Variants in LGALS12 observed in about 807,000 individuals in gnomAD.
LGALS12 encodes the protein galectin-12.
A neutral mutation model predicts 36.8 loss-of-function variants in LGALS12; 36 were observed. That is an observed-to-expected ratio of 0.98 (90% CI 0.75 to 1.29). The LOEUF (loss-of-function observed/expected upper bound fraction) is 1.29, where lower values mean the gene tolerates loss of function less well. Among genes scored for constraint, LGALS12 ranks in the 50% most tolerant of loss-of-function variants. LGALS12 has a pLI of 0.00. For missense variants in LGALS12, 366 were observed against 394.3 expected (o/e 0.93, Z 0.61); for synonymous variants, 145 against 155.9 (o/e 0.93, Z 0.52).
intron 3 of LGALS12, 140 bp from the exon 4 acceptor site, chr11:63,509,638 A>G: frequency 1.2e-6 from 1 of 847,812 alleles, no homozygotes; most frequent in South Asian, 1.7e-5. Context: ...AAGGCTCTGT[A>G]AAATGTACCT....
chr11:63,509,137 C>T, intron 3 of LGALS12, 146 bp downstream of exon 3: 1 of 696,044 alleles, frequency 1.4e-6, no homozygotes, highest in Non-Finnish European at 2.4e-6. Context: ...ATGCCCGGTT[C>T]CAGGCTGCCC....
At position 63,508,308 on chromosome 11, in the gene LGALS12, G is replaced by A. The variant is rs993762652; in HGVS notation, c.70-245G>A. On this transcript the variant is annotated intron_variant, in intron 1 of 8. Transcript: ENST00000394618. The stretch of plus-strand genomic sequence containing the variant: ...TGGGGAAAGGCAACTGGCTGGTGCT[G>A]AATTTGGCAAGGGAGCGGAATTTGA... 4 of 1,367,844 alleles carry A rather than the reference G, an allele frequency of 2.9e-6. No homozygotes were observed. In the African/African-American group the frequency reaches 5.9e-5, roughly 20 times the overall value. The allele number at this position is 1,367,844 out of a possible 1,614,324, so 84.7% of individuals were successfully genotyped here.
At position 63,508,945 on chromosome 11, in the gene LGALS12, G is replaced by T. The variant is rs142620002; in HGVS notation, c.326G>T (p.Gly109Val). Reference sequence around the variant, plus strand: ...TGGCCCCACCTGGCCCTGCGAAGAGGCTCCAGCTTCCTCATCCTCTTTCTC... The same window carrying T: ...TGGCCCCACCTGGCCCTGCGAAGAGTCTCCAGCTTCCTCATCCTCTTTCTC... ...ARWPHLALRRGSSFLILFLFG... is the reference protein window; with the variant it reads ...ARWPHLALRRVSSFLILFLFG... The change falls in exon 3 of 9, where the codon GGC (glycine) becomes GTC (valine). Residue 109 changes from glycine to valine, a missense_variant. Gly to Val is a moderately radical substitution (Grantham distance 109, BLOSUM62 -3). Transcript: ENST00000394618. The T allele has an allele frequency of 6.1e-5, 99 of 1,614,206 alleles. No homozygotes were observed. The East Asian group carries it at 2.1e-3, about 35-fold the overall frequency.
At chr11:63,510,671 C>G (rs540698298) in intron 5 of LGALS12, among the ~76,000 whole-genome samples, 170 bp downstream of exon 5, 1 of 152,214 alleles carries the variant, frequency 6.6e-6, no homozygotes, top group Admixed American at 6.5e-5. Context: ...CCTCTCCCAG[C>G]CCCTCTCCAG....
At chr11:63,511,169 G>A in intron 6 of LGALS12, 64 bp downstream of exon 6, 1 of 1,462,854 alleles carries the variant, frequency 6.8e-7, no homozygotes, top group Non-Finnish European at 9.5e-7. Context: ...CAGCTAATGA[G>A]CTCAGCCTGG....
chr11:63,511,155 TG>T, intron 6 of LGALS12, 50 bp downstream of exon 6: 1 of 1,557,728 alleles, frequency 6.4e-7, no homozygotes, highest in Non-Finnish European at 8.8e-7. Flanking sequence ...GCAGCCTGGG[TG>T]AGCAGCTAAT....
In LGALS12 at chr11:63,516,470, A is replaced by C. The variant is rs2017088400; in HGVS notation, c.*77A>C. The C allele has an allele frequency of 3.9e-6, 6 of 1,538,838 alleles. No individual in the cohort carries two copies. Among genetic ancestry groups the C allele is most frequent in the African/African-American group, 1.4e-5 (1 of 73,414 alleles). ...AGGGCCCCACTCTCCTCCCCTCATTAAACCATCCACCTGACACCAGCACAT... is the reference window on the plus strand; with the variant it reads ...AGGGCCCCACTCTCCTCCCCTCATTCAACCATCCACCTGACACCAGCACAT... On this transcript the variant is annotated 3_prime_UTR_variant, in exon 9 of 9. Transcript: ENST00000394618.
intron 1 of LGALS12, among the ~76,000 whole-genome samples, chr11:63,507,159 G>A (rs1168948964): frequency 6.6e-6 from 1 of 152,192 alleles, no homozygotes; most frequent in Admixed American, 6.5e-5. Context: ...AACCAGCTGA[G>A]CTTGCCAAGC....
chr11:63,507,725 CTTTTTTTTTTTT>C (rs199594642), intron 1 of LGALS12, among the ~76,000 whole-genome samples: 3,391 of 69,992 alleles, frequency 0.048, 206 homozygotes, highest in Admixed American at 0.21. Flanking sequence ...CAGGCAACTT[CTTTTTTTTTTTT>C]TTTTTTTTTT....
chr11:63,509,123 T>C (rs902165523), intron 3 of LGALS12, 132 bp downstream of exon 3: 2 of 755,808 alleles, frequency 2.6e-6, no homozygotes, highest in African/African-American at 3.5e-5. Context: ...ACCAAGGAGC[T>C]GCCATGCCCG....
chr11:63,508,112 G>C (rs1317336727), intron 1 of LGALS12: 1 of 1,029,432 alleles, frequency 9.7e-7, no homozygotes, highest in Non-Finnish European at 1.2e-6. Flanking sequence ...GTCCATTTCA[G>C]AGTTAGCTGT....
chr11:63,510,727 G>A, intron 5 of LGALS12, among the ~76,000 whole-genome samples: 1 of 152,140 alleles, frequency 6.6e-6, no homozygotes, highest in East Asian at 1.9e-4. Context: ...TGCAGAGGGG[G>A]CAAGACCCCG....
At chr11:63,508,493 C>A (rs1590643235) in intron 1 of LGALS12, 60 bp from the exon 2 acceptor site, 3 of 1,607,110 alleles carry the variant, frequency 1.9e-6, no homozygotes, top group African/African-American at 1.3e-5. Flanking sequence ...ACTCGCCTGA[C>A]ATAGAGGTCC....
rs765514775 is a variant in LGALS12, at chr11:63,511,748, T to C, written c.559-4T>C. 1 of 1,607,342 alleles carries C rather than the reference T, an allele frequency of 6.2e-7. No individual in the cohort carries two copies. Among genetic ancestry groups the C allele is most frequent in the Non-Finnish European group, 8.5e-7 (1 of 1,174,238 alleles). ...ACTTCTCAATACCTCCCTTGTTCCT[T>C]CAGGAGGTGCCCTGCTCACATGCTC... is the stretch of plus-strand genomic sequence containing the variant. On this transcript the variant is annotated splice_polypyrimidine_tract_variant and splice_region_variant and intron_variant, in intron 6 of 8. Transcript: ENST00000394618.
rs537777619 is a variant in LGALS12 at position 63,511,620 on chromosome 11, A to G, written c.559-132A>G. The G allele has an allele frequency of 3.5e-5, 23 of 648,366 alleles. No individual in the cohort carries two copies. In the South Asian group the frequency reaches 3.9e-4, roughly 11 times the overall value. The allele number at this position is 648,366 out of a possible 1,614,324, so 40.2% of individuals were successfully genotyped here. A position where few individuals can be genotyped will look rare whatever the true frequency, so the allele number is the denominator to read the frequency against. On this transcript the variant is annotated intron_variant, in intron 6 of 8. Transcript: ENST00000394618. ...GTACAGGAGGCCAGGTGCTTAACAA[A>G]TAAGCAGCGTGTCCTGGCGGCAGGC...
At chr11:63,511,722 A>C in intron 6 of LGALS12, 30 bp from the exon 7 acceptor site, 1 of 1,557,538 alleles carries the variant, frequency 6.4e-7, no homozygotes, top group Non-Finnish European at 8.9e-7. Flanking sequence ...CCTGGAAGTC[A>C]ACTTCTCAAT....
At chr11:63,509,925 G>C (rs1320505402) in intron 4 of LGALS12, 28 bp downstream of exon 4, 1 of 1,607,548 alleles carries the variant, frequency 6.2e-7, no homozygotes, top group Non-Finnish European at 8.5e-7. Flanking sequence ...CAAGGCCTGG[G>C]CAGTGGCAGC....
At chr11:63,510,608 G>A (rs992821270) in intron 5 of LGALS12, 107 bp downstream of exon 5, 70 of 1,046,874 alleles carry the variant, frequency 6.7e-5, no homozygotes, top group Admixed American at 1.3e-4. Context: ...TCACTGCTGC[G>A]GTTGCCACGG....
At chr11:63,508,495 TAG>T in intron 1 of LGALS12, 56 bp from the exon 2 acceptor site, 1 of 1,607,940 alleles carries the variant, frequency 6.2e-7, no homozygotes. Context: ...TCGCCTGACA[TAG>T]AGGTCCCTAA....
Sources: gnomAD v4.1 joint callset for allele counts (sites outside exome capture counted in the v4.1 genomes callset) on GRCh38, gnomAD v4.1.1 for gene constraint, MANE v1.5 for transcripts, NCBI Gene and HGNC (gene_info 2026-07-23, HGNC 2026-07-21) for gene names.